The following CDK13 variants were observed in gnomAD, a reference collection of about 807,000 sequenced individuals.
The protein encoded by CDK13 is cyclin-dependent kinase 13.
CDK13 carries 40 observed loss-of-function variants against 137.6 expected under a neutral mutation model. The observed-to-expected ratio is 0.29, with a 90% CI of 0.23 to 0.38. The LOEUF (loss-of-function observed/expected upper bound fraction) is 0.38, where lower values mean the gene tolerates loss of function less well. Among genes scored for constraint, CDK13 ranks in the 10% least tolerant of loss-of-function variants. The pLI, the probability that CDK13 is intolerant of heterozygous loss-of-function variation, is 1.00. For missense variants in CDK13, 1,704 were observed against 1,951.8 expected (o/e 0.87, Z 2.39); for synonymous variants, 869 against 760.1 (o/e 1.14, Z -2.36).
At chr7:39,979,211 T>C (rs992730388) in intron 1 of CDK13, among the ~76,000 whole-genome samples, 16 of 123,390 alleles carry the variant, frequency 1.3e-4, no homozygotes, top group African/African-American at 6.4e-4. Context: ...TTCTTTCTTT[T>C]TTTTCTTTTT....
chr7:40,001,105 C>T (rs569417600), intron 4 of CDK13, among the ~76,000 whole-genome samples: 2 of 151,876 alleles, frequency 1.3e-5, no homozygotes, highest in South Asian at 4.2e-4. Context: ...AGTTTTTCTT[C>T]TCTGTTCAGA....
chr7:39,975,294 C>G (rs1402101240), intron 1 of CDK13, among the ~76,000 whole-genome samples: 1 of 151,974 alleles, frequency 6.6e-6, no homozygotes. Context: ...TGCACTTGTC[C>G]CATCTACTTG....
At chr7:40,080,063 C>G (rs1293098215) in intron 11 of CDK13, among the ~76,000 whole-genome samples, 1 of 152,246 alleles carries the variant, frequency 6.6e-6, no homozygotes, top group African/African-American at 2.4e-5. Flanking sequence ...TCTCAGCTCA[C>G]TACAACCTCT....
chr7:40,092,886 G>A lies in CDK13; in HGVS notation c.3337G>A (p.Val1113Met), dbSNP rs777077051. Residue 1113 changes from valine to methionine, a missense_variant, in exon 13 of 14, where the codon GTG becomes ATG. Val to Met is a conservative substitution (Grantham distance 21). Transcript: ENST00000181839. ...TSVNMADFVQ[V>M]LNIKVNSETQ... The stretch of plus-strand genomic sequence containing the variant: ...TGTTAATATGGCTGATTTTGTCCAA[G>A]TGTTGAACATTAAGGTAAACTCTGA... 1.9e-6 allele frequency: 3 copies of A among 1,614,058 alleles called. No homozygotes were observed. The highest frequency in any genetic ancestry group is 4.5e-5 in the East Asian group (2 of 44,884).
chr7:40,030,280 G>T (rs1170671178), intron 5 of CDK13, among the ~76,000 whole-genome samples: 1 of 151,466 alleles, frequency 6.6e-6, no homozygotes, highest in Non-Finnish European at 1.5e-5. Flanking sequence ...TATATAGAGA[G>T]AGAGAGAGAG....
chr7:40,089,321 T>C (rs982382640), intron 12 of CDK13, among the ~76,000 whole-genome samples: 2 of 150,096 alleles, frequency 1.3e-5, no homozygotes, highest in African/African-American at 2.5e-5. Flanking sequence ...ACACCTGTAA[T>C]CCCAGCTACT....
intron 2 of CDK13, among the ~76,000 whole-genome samples, chr7:39,990,532 T>C (rs1784435187): frequency 6.6e-6 from 1 of 152,170 alleles, no homozygotes; most frequent in Admixed American, 6.5e-5. Context: ...TAAAAAGAAA[T>C]GGTTAGAAGT....
chr7:39,982,098 C>G (rs1275707159), intron 1 of CDK13, among the ~76,000 whole-genome samples: 1 of 149,878 alleles, frequency 6.7e-6, no homozygotes, highest in Non-Finnish European at 1.5e-5. Flanking sequence ...ATGTGCCATG[C>G]TGGTGTGCTG....
At chr7:40,027,778 T>G (rs1311105832) in intron 5 of CDK13, among the ~76,000 whole-genome samples, 1 of 151,802 alleles carries the variant, frequency 6.6e-6, no homozygotes, top group Non-Finnish European at 1.5e-5. Context: ...GCCTTACAGT[T>G]CTCTTACGAG....
chr7:39,957,089 T>G (rs1787429617), intron 1 of CDK13, among the ~76,000 whole-genome samples: 1 of 131,798 alleles, frequency 7.6e-6, no homozygotes, highest in Non-Finnish European at 1.6e-5. Context: ...AATCCCACTG[T>G]CGTGTGTGTG....
intron 4 of CDK13, 73 bp downstream of exon 4, chr7:39,999,573 G>T: frequency 9.2e-6 from 13 of 1,413,018 alleles, no homozygotes; most frequent in South Asian, 1.5e-5. Context: ...TCTGATGTTT[G>T]GCTTCAGAAA....
intron 9 of CDK13, chr7:40,071,922 C>T (rs1303844460): frequency 6.6e-6 from 1 of 152,074 alleles, no homozygotes; most frequent in Non-Finnish European, 1.5e-5. Context: ...TGTTAGTTTT[C>T]TTTGCCGGTA....
chr7:40,068,053 C>G (rs949443550), intron 9 of CDK13: 1 of 149,494 alleles, frequency 6.7e-6, no homozygotes, highest in Non-Finnish European at 1.5e-5. Context: ...CGAGATTGCT[C>G]TGCCGCGCTC....
At chr7:39,988,350 A>C in intron 2 of CDK13, 92 bp downstream of exon 2, 1 of 895,404 alleles carries the variant, frequency 1.1e-6, no homozygotes, top group Non-Finnish European at 1.7e-6. Context: ...CCCCCTCGAA[A>C]CAACTTTAGT....
At chr7:40,019,226 C>T (rs890960200) in intron 5 of CDK13, among the ~76,000 whole-genome samples, 4 of 152,064 alleles carry the variant, frequency 2.6e-5, no homozygotes, top group African/African-American at 9.7e-5. Context: ...TGGGTACATA[C>T]CTATGTGAAA....
chr7:40,032,726 G>A (rs952378490), intron 5 of CDK13, among the ~76,000 whole-genome samples: 2 of 151,056 alleles, frequency 1.3e-5, no homozygotes, highest in Admixed American at 6.6e-5. Flanking sequence ...CTGAGCTTTT[G>A]TATTGTGTTT....
intron 7 of CDK13, among the ~76,000 whole-genome samples, chr7:40,052,798 AT>A (rs1295537084): frequency 6.6e-6 from 1 of 152,214 alleles, no homozygotes; most frequent in Non-Finnish European, 1.5e-5. Flanking sequence ...TCCCTAAAAC[AT>A]TGACTGCATT....
chr7:39,995,557 C>T (rs1784543065), intron 2 of CDK13, among the ~76,000 whole-genome samples: 1 of 152,208 alleles, frequency 6.6e-6, no homozygotes, highest in African/African-American at 2.4e-5. Flanking sequence ...GTCTTCCAGA[C>T]TGTAAGCTCT....
chr7:39,993,490 C>T (rs1364115354), intron 2 of CDK13, among the ~76,000 whole-genome samples: 1 of 152,026 alleles, frequency 6.6e-6, no homozygotes, highest in African/African-American at 2.4e-5. Flanking sequence ...AATTTTGCTT[C>T]ATTCTCAAAA....
Sources: allele counts gnomAD v4.1 joint callset (sites outside exome capture counted in the v4.1 genomes callset), GRCh38; gene constraint gnomAD v4.1.1; transcripts MANE v1.5; gene names NCBI Gene and HGNC (gene_info 2026-07-23, HGNC 2026-07-21).